The following CLN6 variants were observed in gnomAD, a reference collection of about 807,000 sequenced individuals.
The protein encoded by CLN6 is CLN6 transmembrane ER protein.
CLN6 carries 22 observed loss-of-function variants against 33.3 expected under a neutral mutation model. The observed-to-expected ratio is 0.66, with a 90% confidence interval of 0.47 to 0.94. The LOEUF (loss-of-function observed/expected upper bound fraction) is 0.94. Ranked by LOEUF, CLN6 falls within the 40% of genes least tolerant of loss-of-function variation. CLN6 has a pLI of 0.00. For synonymous variants in CLN6, 201 were observed against 174.6 expected (o/e 1.15, Z -1.19); for missense variants, 387 against 417.1 (o/e 0.93, Z 0.63).
chr15:68,254,628 C>T, intron 1 of CLN6: 2 of 652,946 alleles, frequency 3.1e-6, no homozygotes, highest in Non-Finnish European at 2.8e-6. Context: ...GTTGCCGCCA[C>T]CACCGTGCCC....
rs896451463 is a variant in CLN6, at chr15:68,256,283, AT to A, written c.179+406del. Among the ~76,000 whole-genome samples the A allele has an allele frequency of 6.6e-6, 1 of 151,386 alleles. No individual in the cohort carries two copies. Among genetic ancestry groups the A allele is most frequent in the African/African-American group, 2.4e-5 (1 of 41,136 alleles). On this transcript the variant is annotated intron_variant, in intron 1 of 6. Transcript: ENST00000538696. The surrounding 1 kb of genome is among the most constrained non-coding windows in gnomAD (Gnocchi z 4.1). The stretch of plus-strand genomic sequence containing the variant: ...CACCATGCCCAGCTAATTTTTTTGT[AT>A]TTTTAGTAGAGGCGGGGTTTCACTA...
chr15:68,253,887 A>G (rs1892405997), intron 1 of CLN6, among the ~76,000 whole-genome samples: 1 of 89,486 alleles, frequency 1.1e-5, no homozygotes, highest in African/African-American at 5.7e-5. Context: ...TTTTTTTTTG[A>G]GACAGAGTCT....
intron 1 of CLN6, among the ~76,000 whole-genome samples, chr15:68,254,044 AT>A (rs1228583043): frequency 7.9e-5 from 12 of 151,410 alleles, no homozygotes; most frequent in African/African-American, 2.9e-4. Flanking sequence ...CGCCCGGCTA[AT>A]TTTTTTTGTA....
intron 3 of CLN6, chr15:68,213,635 TG>T (rs1378657364): frequency 6.6e-6 from 1 of 152,658 alleles, no homozygotes; most frequent in East Asian, 1.9e-4. Context: ...CCCAAAGTGC[TG>T]GGATTACAGG....
chr15:68,214,520 C>G, intron 2 of CLN6, 132 bp from the exon 3 acceptor site: 1 of 687,586 alleles, frequency 1.5e-6, no homozygotes, highest in Non-Finnish European at 2.7e-6. Flanking sequence ...ACACTTAATT[C>G]TTCCTGTGAT....
At chr15:68,250,012 C>A (rs1215964747) in intron 1 of CLN6, among the ~76,000 whole-genome samples, 1 of 152,106 alleles carries the variant, frequency 6.6e-6, no homozygotes, top group East Asian at 1.9e-4. Flanking sequence ...ACCTCGTGAT[C>A]CACCCACCTT....
At chr15:68,240,123 T>G (rs893815022) in intron 1 of CLN6, among the ~76,000 whole-genome samples, 1 of 152,160 alleles carries the variant, frequency 6.6e-6, no homozygotes, top group Non-Finnish European at 1.5e-5. Flanking sequence ...CAGGGAAATT[T>G]ATAGCTTTAG....
chr15:68,245,896 A>G (rs1219619631), intron 1 of CLN6, among the ~76,000 whole-genome samples: 4 of 152,172 alleles, frequency 2.6e-5, no homozygotes, highest in Non-Finnish European at 4.4e-5. Context: ...AGTGGAAACC[A>G]AAAAAGAACA....
intron 1 of CLN6, among the ~76,000 whole-genome samples, chr15:68,252,433 A>G (rs1892390623): frequency 1.3e-5 from 2 of 152,244 alleles, no homozygotes; most frequent in African/African-American, 2.4e-5. Context: ...ATGCCACAAT[A>G]AGCATTTTAT....
intron 1 of CLN6, among the ~76,000 whole-genome samples, chr15:68,238,073 A>G (rs991899367): frequency 2.6e-5 from 4 of 151,386 alleles, no homozygotes; most frequent in African/African-American, 9.7e-5. Context: ...CAGTGAGCCA[A>G]GATTGTGCCA....
In CLN6 at chr15:68,228,255, A is replaced by C. The variant is rs1230637188; in HGVS notation, c.83+1247T>G. Among the ~76,000 whole-genome samples, 1 of 152,182 alleles carries C rather than the reference A, an allele frequency of 6.6e-6. No homozygotes were observed. The highest frequency in any genetic ancestry group is 1.9e-4 in the East Asian group (1 of 5,196). The stretch of plus-strand genomic sequence containing the variant: ...ATCCCTCACCTCAGCCCAAGCGCTC[A>C]GACTTCTCCCTTCATCCAGGTCGTA... On this transcript the variant is annotated intron_variant, in intron 1 of 6. Transcript: ENST00000249806. The surrounding 1 kb of genome is among the most constrained non-coding windows in gnomAD (Gnocchi z 4.4).
In CLN6 at chr15:68,207,894, C is replaced by A; in HGVS notation, c.*246G>T. 3 of 566,550 alleles carry A rather than the reference C, an allele frequency of 5.3e-6. No individual in the cohort carries two copies. The highest frequency in any genetic ancestry group is 6.3e-6 in the Non-Finnish European group (2 of 317,172). 35.1% of individuals were successfully genotyped at this position (566,550 alleles called of 1,614,324 possible). A position where few individuals can be genotyped will look rare whatever the true frequency, so the allele number is the denominator to read the frequency against. ...CCCAGAAACACTCTAAAACAGAATC[C>A]GATCCTGAGATGATCCAAATCAAAC... On this transcript the variant is annotated 3_prime_UTR_variant, in exon 7 of 7. Coordinates refer to ENST00000249806, the MANE Select transcript of CLN6 (RefSeq NM_017882.3).
chr15:68,249,115 T>C (rs1363309808), intron 1 of CLN6, among the ~76,000 whole-genome samples: 1 of 152,162 alleles, frequency 6.6e-6, no homozygotes, highest in African/African-American at 2.4e-5. Flanking sequence ...AAATCAAAGC[T>C]ACAATGAAAC....
rs544505610 is a variant in CLN6, at chr15:68,209,912, G to C, written c.543-153C>G. 4.7e-4 allele frequency among the ~76,000 whole-genome samples: 71 copies of C among 152,228 alleles called. No individual in the cohort carries two copies. Among genetic ancestry groups the C allele is most frequent in the African/African-American group, 1.6e-3 (66 of 41,526 alleles). ...GAGGCGCTCCTCTCCACCCAACCTT[G>C]CCTGTGCTGGGCGTCAAAGGTGGGA... On this transcript the variant is annotated intron_variant, in intron 5 of 6. Transcript: ENST00000249806. The surrounding 1 kb of genome is among the most constrained non-coding windows in gnomAD (Gnocchi z 4.9).
Position 68,236,378 on chromosome 15 carries a change from A to T in CLN6, c.180-17728T>A, listed in dbSNP as rs1410411248. The stretch of plus-strand genomic sequence containing the variant: ...CTCCAAAATCCATCAACTTGTAAAT[A>T]AATAAATTATGGTATACAAATTCAG... On this transcript the variant is annotated intron_variant, in intron 1 of 6. Coordinates refer to the CLN6 transcript ENST00000538696. This position sits in a 1 kb window ranked among gnomAD's most constrained non-coding sequence, Gnocchi z 4.5. Among the ~76,000 whole-genome samples the T allele has an allele frequency of 2.6e-5, 4 of 152,248 alleles. No individual in the cohort carries two copies. The highest frequency in any genetic ancestry group is 9.6e-5 in the African/African-American group (4 of 41,468).
At position 68,207,983 on chromosome 15, in the gene CLN6, C is replaced by CACAT; in HGVS notation, c.*156_*157insATGT. 1 of 192,868 alleles carries CACAT rather than the reference C, an allele frequency of 5.2e-6. No individual in the cohort carries two copies. The highest frequency in any genetic ancestry group is 1.2e-5 in the Non-Finnish European group (1 of 82,356). The allele number at this position is 192,868 out of a possible 1,614,324, so 11.9% of individuals were successfully genotyped here. A position where few individuals can be genotyped will look rare whatever the true frequency, so the allele number is the denominator to read the frequency against. On this transcript the variant is annotated 3_prime_UTR_variant, in exon 7 of 7. Transcript: ENST00000249806. ...ACTCTGCGCACACATATACAAGACA[C>CACAT]ACACACACACACACACGAATCCACG... is the stretch of plus-strand genomic sequence containing the variant.
At chr15:68,251,897 T>C (rs996004061) in intron 1 of CLN6, among the ~76,000 whole-genome samples, 1 of 151,978 alleles carries the variant, frequency 6.6e-6, no homozygotes, top group African/African-American at 2.4e-5. Context: ...GAAGAAGGTA[T>C]TTGTGACATG....
intron 1 of CLN6, among the ~76,000 whole-genome samples, chr15:68,237,317 C>CAA (rs575751381): frequency 1.6e-4 from 22 of 135,196 alleles, no homozygotes; most frequent in African/African-American, 5.9e-4. Flanking sequence ...CCTATCTCTA[C>CAA]AAAAAAAAAA....
chr15:68,231,263 C>A (rs1487379443), upstream of CLN6, among the ~76,000 whole-genome samples: 2 of 152,164 alleles, frequency 1.3e-5, no homozygotes, highest in Non-Finnish European at 2.9e-5. Flanking sequence ...CTCAATCCCC[C>A]CCCTCCGCCC....
Sources: gnomAD v4.1 joint callset for allele counts (sites outside exome capture counted in the v4.1 genomes callset) on GRCh38, gnomAD v4.1.1 for gene constraint, Gnocchi (gnomAD v3.1) non-coding constraint, MANE v1.5 for transcripts, NCBI Gene and HGNC (gene_info 2026-07-23, HGNC 2026-07-21) for gene names.